COCH: variants seen among roughly 807,000 people sequenced by gnomAD.
COCH encodes the protein coagulation factor C homolog, cochlin (Limulus polyphemus).
In COCH, 40 loss-of-function variants were observed where a neutral mutation model predicts 54.8. The ratio of observed to expected loss-of-function variants is 0.73; its 90% CI spans 0.57 to 0.95. COCH has a LOEUF of 0.95. Among genes scored for constraint, COCH ranks in the 40% least tolerant of loss-of-function variants. The pLI, the probability that COCH is intolerant of heterozygous loss-of-function variation, is 0.00. For synonymous variants in COCH, 256 were observed against 237.9 expected (o/e 1.08, Z -0.70); for missense variants, 605 against 675.0 (o/e 0.90, Z 1.15).
intron 1 of COCH, 103 bp from the exon 2 acceptor site, chr14:30,874,810 TCTC>T (rs1895292075): frequency 8.4e-6 from 9 of 1,074,300 alleles, no homozygotes; most frequent in African/African-American, 6.2e-5. Context: ...CTGTGTCCTC[TCTC>T]CTCTGCGCCG....
In COCH at chr14:30,889,671, T is replaced by C. The variant is rs1566416177; in HGVS notation, c.1533T>C (p.Asp511=). ...GGGCACCTCTGGATGACCTGAAAGA[T>C]ATGGCTTCTAAACCGAAGGAGTCTC... ...VAWAPLDDLK[D]MASKPKESHA... is the part of the protein sequence containing the mutation. Residue 511 remains aspartate, a synonymous_variant, in exon 12 of 12, where the codon GAT becomes GAC. Transcript: ENST00000396618. 3 of 1,613,972 alleles carry C rather than the reference T, an allele frequency of 1.9e-6. No homozygotes were observed. The highest frequency in any genetic ancestry group is 2.2e-5 in the South Asian group (2 of 91,082).
At chr14:30,878,130 G>A (rs1895435796) in intron 4 of COCH, among the ~76,000 whole-genome samples, 1 of 152,160 alleles carries the variant, frequency 6.6e-6, no homozygotes, top group Non-Finnish European at 1.5e-5. Context: ...GGTGACTATT[G>A]TTAGCAAGTG....
chr14:30,893,253 A>ACCTCAG (rs1896035048), downstream of COCH, among the ~76,000 whole-genome samples: 1 of 145,714 alleles, frequency 6.9e-6, no homozygotes, highest in Non-Finnish European at 1.5e-5. Flanking sequence ...CCGGACTCAC[A>ACCTCAG]CCTCAGCCTC....
rs1205082159 is a variant in COCH at position 30,889,735 on chromosome 14, A to G, written c.1597A>G (p.Ile533Val). The G allele has an allele frequency of 3.1e-6, 5 of 1,613,754 alleles. No homozygotes were observed. The highest frequency in any genetic ancestry group is 3.4e-6 in the Non-Finnish European group (4 of 1,179,664). The part of the protein sequence containing the change: ...FTREFTGLEP[I>V]VSDVIRGICR... ...AAGAGAGTTCACAGGATTAGAACCA[A>G]TTGTTTCTGATGTCATCAGAGGCAT... is the stretch of plus-strand genomic sequence containing the variant. Residue 533 changes from isoleucine (I) to valine (V), a missense_variant, in exon 12 of 12, where the codon ATT becomes GTT. By Grantham distance (29) the Ile-to-Val change is conservative (BLOSUM62 3). Transcript: ENST00000396618.
Position 30,875,055 on chromosome 14 carries a change from GGTGT to G in COCH, c.39_42del (p.Leu15CysfsTer50). The G allele has an allele frequency of 5.0e-6, 8 of 1,610,634 alleles. No individual in the cohort carries two copies. Among genetic ancestry groups the G allele is most frequent in the Non-Finnish European group, 6.8e-6 (8 of 1,178,984 alleles). Reference sequence around the variant, plus strand: ...CAGCCCTCACGCTTCTCTCTTCGCAGGTGTGTGTCTGCTGCTGCTGCCGGGGCCC... The same window carrying G: ...CAGCCCTCACGCTTCTCTCTTCGCAGGTGTCTGCTGCTGCTGCCGGGGCCC... On this transcript the variant is annotated frameshift_variant and splice_region_variant, in exon 3 of 12. Coordinates refer to ENST00000396618, the MANE Select transcript of COCH (RefSeq NM_004086.3). LOFTEE classifies it high-confidence loss of function.
At chr14:30,891,756 T>C (rs542770075), downstream of COCH, among the ~76,000 whole-genome samples, 2 of 152,360 alleles carry the variant, frequency 1.3e-5, no homozygotes, top group East Asian at 3.9e-4. Flanking sequence ...TCTTTAATTT[T>C]ATAAAGGACC....
downstream of COCH, chr14:30,890,673 A>G: frequency 1.7e-6 from 1 of 604,162 alleles, no homozygotes; most frequent in African/African-American, 2.0e-5. Context: ...GTAAAAATTC[A>G]TGTGGAAAGA....
chr14:30,885,721 T>A, intron 10 of COCH, 75 bp from the exon 11 acceptor site: 1 of 1,565,048 alleles, frequency 6.4e-7, no homozygotes. Flanking sequence ...ACTTGAAACA[T>A]TCAGGATTTT....
Position 30,885,805 on chromosome 14 carries a change from C to T in COCH, c.970C>T (p.Arg324Trp), listed in dbSNP as rs776982710. 33 of 1,613,826 alleles carry T rather than the reference C, an allele frequency of 2.0e-5. No individual in the cohort carries two copies. The highest frequency in any genetic ancestry group is 2.7e-5 in the Non-Finnish European group (32 of 1,179,964). ...DVTFVDKAVC[R>W]NNGFFSYHMP... ...GTGTCTCCCCCATTAGGCTGTCTGT[C>T]GGAATAATGGCTTCTTCTCTTACCA... Residue 324 changes from arginine to tryptophan, a missense_variant, in exon 11 of 12, where the codon CGG (arginine) becomes TGG (tryptophan). Physicochemically the swap from Arg to Trp is moderately radical, Grantham distance 101. Coordinates refer to ENST00000396618, the MANE Select transcript of COCH (RefSeq NM_004086.3).
downstream of COCH, among the ~76,000 whole-genome samples, chr14:30,892,574 CGGGTGGAT>C (rs1896010730): frequency 2.0e-5 from 3 of 152,018 alleles, no homozygotes; most frequent in Non-Finnish European, 4.4e-5. Flanking sequence ...GAGGCCGAGG[CGGGTGGAT>C]CACCTGAGGT....
At chr14:30,887,455 C>T (rs536519912) in intron 11 of COCH, among the ~76,000 whole-genome samples, 62 of 151,680 alleles carry the variant, frequency 4.1e-4, no homozygotes, top group African/African-American at 5.5e-4. Context: ...TAAAAACACA[C>T]TCTGGTGTTA....
Position 30,890,342 on chromosome 14 carries a change from T to G in COCH, c.*551T>G. 1.0e-6 allele frequency: 1 copy of G among 985,578 alleles called. No homozygotes were observed. Among genetic ancestry groups the G allele is most frequent in the South Asian group, 4.7e-5 (1 of 21,294 alleles). The allele number at this position is 985,578 out of a possible 1,614,324, so 61.1% of individuals were successfully genotyped here. On this transcript the variant is annotated 3_prime_UTR_variant, in exon 12 of 12. Transcript: ENST00000396618. The stretch of plus-strand genomic sequence containing the variant: ...AGAAAGGAGACCTGTATCAAACTGC[T>G]TTTGTAGTGTGTTTTCATAACAACT...
intron 8 of COCH, among the ~76,000 whole-genome samples, chr14:30,882,436 G>T (rs1332626848): frequency 6.6e-6 from 1 of 151,910 alleles, no homozygotes; most frequent in Admixed American, 6.6e-5. Flanking sequence ...GGCCCCTTCA[G>T]TATTTTAAGG....
Position 30,878,826 on chromosome 14 carries a change from C to T in COCH, c.255C>T (p.Asn85=), listed in dbSNP as rs773371394. The change falls in exon 5 of 12, where the codon AAC becomes AAT. Residue 85 remains asparagine, a synonymous_variant. Transcript: ENST00000396618. ...GAAVHRGVIS[N]SGGPVRVYSL... Reference sequence around the variant, plus strand: ...TGTGTTACAGGGGAGTAATCAGCAACTCAGGGGGACCTGTACGAGTCTATA... The same window carrying T: ...TGTGTTACAGGGGAGTAATCAGCAATTCAGGGGGACCTGTACGAGTCTATA... 8 of 1,614,146 alleles carry T rather than the reference C, an allele frequency of 5.0e-6. No individual in the cohort carries two copies. Among genetic ancestry groups the T allele is most frequent in the Non-Finnish European group, 5.9e-6 (7 of 1,180,030 alleles).
chr14:30,884,049 AC>A (rs1895700347), intron 8 of COCH, among the ~76,000 whole-genome samples: 1 of 152,160 alleles, frequency 6.6e-6, no homozygotes, highest in Non-Finnish European at 1.5e-5. Context: ...CTAGTCTCAT[AC>A]CCAGCCACTT....
chr14:30,895,546 G>A, downstream of COCH: 3 of 1,613,862 alleles, frequency 1.9e-6, no homozygotes, highest in East Asian at 2.2e-5. Flanking sequence ...ATGTCTTGCT[G>A]TCTAAATTCC....
chr14:30,885,316 C>A, intron 9 of COCH, 78 bp from the exon 10 acceptor site: 2 of 1,252,570 alleles, frequency 1.6e-6, no homozygotes, highest in Non-Finnish European at 2.3e-6. Flanking sequence ...AACTTTGCAG[C>A]ATCAAATGCT....
chr14:30,885,995 T>A lies in COCH; in HGVS notation c.1160T>A (p.Leu387His), dbSNP rs571941613. The A allele has an allele frequency of 6.2e-7, 1 of 1,614,236 alleles. No individual in the cohort carries two copies. The highest frequency in any genetic ancestry group is 8.5e-7 in the Non-Finnish European group (1 of 1,180,038). The change falls in exon 11 of 12, where the codon CTT becomes CAT. Residue 387 changes from leucine (L) to histidine (H), a missense_variant. Physicochemically the swap from Leu to His is moderately conservative, Grantham distance 99. Transcript: ENST00000396618. ...SVGDSNFRLMLEFVSNIAKTF... is the reference protein window; with the variant it reads ...SVGDSNFRLMHEFVSNIAKTF... ...GGAGATAGCAATTTCCGCCTCATGCTTGAATTTGTTTCCAACATAGCCAAG... is the reference window on the plus strand; with the variant it reads ...GGAGATAGCAATTTCCGCCTCATGCATGAATTTGTTTCCAACATAGCCAAG...
chr14:30,878,526 G>T (rs980312454), intron 4 of COCH, among the ~76,000 whole-genome samples: 2 of 152,098 alleles, frequency 1.3e-5, no homozygotes, highest in African/African-American at 4.8e-5. Context: ...GTATGGTGGT[G>T]CATGCCTGTA....
Sources: allele counts gnomAD v4.1 joint callset (sites outside exome capture counted in the v4.1 genomes callset), GRCh38; gene constraint gnomAD v4.1.1; transcripts MANE v1.5; gene names NCBI Gene and HGNC (gene_info 2026-07-23, HGNC 2026-07-21).